Variants in PHIP observed in about 807,000 individuals in gnomAD.
PHIP encodes PHIP subunit of CUL4-Ring ligase complex.
In PHIP, 54 loss-of-function variants were observed where a neutral mutation model predicts 236.8. The observed-to-expected ratio is 0.23, with a 90% CI of 0.18 to 0.29. The LOEUF is 0.29. Ranked by LOEUF, PHIP falls within the 10% of genes least tolerant of loss-of-function variation. The pLI is 1.00. For missense variants in PHIP, 1,370 were observed against 2,190.8 expected (o/e 0.63, Z 7.48); for synonymous variants, 756 against 718.9 (o/e 1.05, Z -0.83).
At chr6:79,037,160 T>C (rs1771980916) in intron 7 of PHIP, among the ~76,000 whole-genome samples, 1 of 152,096 alleles carries the variant, frequency 6.6e-6, no homozygotes, top group Admixed American at 6.6e-5. Flanking sequence ...CAAACCCATA[T>C]ACACTATATT....
At chr6:79,060,889 T>TA in intron 4 of PHIP, 71 bp from the exon 5 acceptor site, 1 of 1,051,102 alleles carries the variant, frequency 9.5e-7, no homozygotes, top group Non-Finnish European at 1.4e-6. Context: ...TGAGCAACAA[T>TA]AAAAAAATTC....
intron 6 of PHIP, among the ~76,000 whole-genome samples, chr6:79,055,482 T>C (rs1773023367): frequency 2.0e-5 from 3 of 152,190 alleles, no homozygotes; most frequent in Admixed American, 1.3e-4. Context: ...AAAGATTCGC[T>C]AATACCTTTG....
intron 9 of PHIP, among the ~76,000 whole-genome samples, chr6:79,020,626 T>C (rs1005695421): frequency 2.0e-5 from 3 of 152,222 alleles, no homozygotes; most frequent in African/African-American, 7.2e-5. Context: ...ATGCAAATAG[T>C]CCTATAAACT....
chr6:78,946,618 G>C (rs1472140397), intron 37 of PHIP, 93 bp downstream of exon 37: 1 of 1,455,220 alleles, frequency 6.9e-7, no homozygotes, highest in East Asian at 2.5e-5. Flanking sequence ...CTGCAATATA[G>C]GGAATAGTAA....
chr6:79,022,925 C>T (rs1184683772), intron 9 of PHIP, among the ~76,000 whole-genome samples: 6 of 152,200 alleles, frequency 3.9e-5, no homozygotes, highest in Admixed American at 2.6e-4. Context: ...TAGCTAAATA[C>T]AATTTTTGCC....
At chr6:78,973,099 A>C (rs561853446) in intron 24 of PHIP, among the ~76,000 whole-genome samples, 1 of 152,280 alleles carries the variant, frequency 6.6e-6, no homozygotes, top group African/African-American at 2.4e-5. Flanking sequence ...GTTGAAATGA[A>C]GGAAAAAATG....
intron 35 of PHIP, among the ~76,000 whole-genome samples, chr6:78,948,731 T>A (rs1773970607): frequency 6.6e-6 from 1 of 152,168 alleles, no homozygotes; most frequent in South Asian, 2.1e-4. Flanking sequence ...TGGGCTTAAA[T>A]GACCTGCCCG....
In PHIP at chr6:79,072,293, C is replaced by G. The variant is rs114363394; in HGVS notation, c.189+5155G>C. 4.3e-3 allele frequency among the ~76,000 whole-genome samples: 657 copies of G among 152,256 alleles called. 2 individuals are homozygous for G. Among genetic ancestry groups the G allele is most frequent in the African/African-American group, 0.014 (596 of 41,548 alleles). On this transcript the variant is annotated intron_variant, in intron 4 of 39. Coordinates refer to ENST00000275034, the MANE Select transcript of PHIP (RefSeq NM_017934.7). ...AATCCATTCAGGATATGTCAACCAC[C>G]CAAATTATTTCTTAATGTTCAGTGT...
chr6:78,978,747 T>G, intron 23 of PHIP, 36 bp from the exon 24 acceptor site: 1 of 1,528,344 alleles, frequency 6.5e-7, no homozygotes, highest in Non-Finnish European at 9.0e-7. Flanking sequence ...TAAGTAATAA[T>G]CAAAAAAGCA....
chr6:79,013,943 T>A (rs1394238256), intron 15 of PHIP, among the ~76,000 whole-genome samples: 1 of 151,424 alleles, frequency 6.6e-6, no homozygotes. Flanking sequence ...GCAGAAAATA[T>A]TTTTTACTAG....
intron 9 of PHIP, among the ~76,000 whole-genome samples, chr6:79,024,142 C>T (rs575199162): frequency 9.2e-5 from 14 of 152,232 alleles, no homozygotes; most frequent in African/African-American, 3.4e-4. Flanking sequence ...TTTTGTTACT[C>T]GAGCTACCAT....
intron 7 of PHIP, among the ~76,000 whole-genome samples, chr6:79,034,410 A>G (rs1030897628): frequency 1.3e-5 from 2 of 152,150 alleles, no homozygotes; most frequent in Admixed American, 6.5e-5. Flanking sequence ...TATCCTCAAA[A>G]TCCAGAAAAA....
At chr6:79,003,342 G>C (rs1197954448) in intron 16 of PHIP, among the ~76,000 whole-genome samples, 3 of 151,710 alleles carry the variant, frequency 2.0e-5, no homozygotes, top group Non-Finnish European at 2.9e-5. Context: ...CCACATGAAA[G>C]CCACAGATTT....
chr6:79,059,268 A>G (rs2127771249), intron 6 of PHIP, among the ~76,000 whole-genome samples: 1 of 152,170 alleles, frequency 6.6e-6, no homozygotes, highest in Admixed American at 6.6e-5. Flanking sequence ...TTTTAAGATA[A>G]TGACTGAGAA....
chr6:79,029,926 A>C (rs944753783), intron 7 of PHIP, among the ~76,000 whole-genome samples: 1 of 152,212 alleles, frequency 6.6e-6, no homozygotes, highest in African/African-American at 2.4e-5. Context: ...CTTTTCCATA[A>C]GCCTACCTCT....
chr6:79,059,626 A>ATATATTTATATATAT (rs1562216785), intron 6 of PHIP, among the ~76,000 whole-genome samples: 1 of 43,206 alleles, frequency 2.3e-5, no homozygotes, highest in South Asian at 1.3e-3. Flanking sequence ...TATATATATA[A>ATATATTTATATATAT]AAATGCCAAA....
chr6:78,993,673 C>A (rs891999644), intron 19 of PHIP, among the ~76,000 whole-genome samples: 13 of 152,138 alleles, frequency 8.5e-5, no homozygotes, highest in African/African-American at 3.1e-4. Flanking sequence ...ACTGTTGAGA[C>A]CTACTACTCG....
intron 6 of PHIP, 134 bp from the exon 7 acceptor site, chr6:79,043,137 C>T: frequency 1.5e-6 from 1 of 679,240 alleles, no homozygotes; most frequent in Non-Finnish European, 2.5e-6. Flanking sequence ...TATATGGCTT[C>T]TAGTTAAAAG....
chr6:78,989,151 A>C (rs1269282877), intron 20 of PHIP, among the ~76,000 whole-genome samples: 5 of 152,222 alleles, frequency 3.3e-5, no homozygotes, highest in Non-Finnish European at 7.3e-5. Flanking sequence ...ATGGTAGCTC[A>C]TGCCTGTAAT....
Sources: allele counts gnomAD v4.1 joint callset (sites outside exome capture counted in the v4.1 genomes callset), GRCh38; gene constraint gnomAD v4.1.1; transcripts MANE v1.5; gene names NCBI Gene and HGNC (gene_info 2026-07-23, HGNC 2026-07-21).